RECK: variants seen among roughly 807,000 people sequenced by gnomAD.
RECK encodes reversion-inducing cysteine-rich protein with Kazal motifs.
In RECK, 69 loss-of-function variants were observed where a neutral mutation model predicts 115.1. The observed-to-expected ratio is 0.60, with a 90% CI of 0.49 to 0.73. RECK has a LOEUF of 0.73. Among genes scored for constraint, RECK ranks in the 30% least tolerant of loss-of-function variants. The pLI, the probability that RECK is intolerant of heterozygous loss-of-function variation, is 0.00. For synonymous variants in RECK, 414 were observed against 419.7 expected (o/e 0.99, Z 0.17); for missense variants, 1,047 against 1,203.7 (o/e 0.87, Z 1.93).
chr9:36,050,388 C>T (rs1341441240), intron 1 of RECK, among the ~76,000 whole-genome samples: 1 of 152,066 alleles, frequency 6.6e-6, no homozygotes, highest in Non-Finnish European at 1.5e-5. Flanking sequence ...ATTTCACTTC[C>T]AATCCATTAG....
Position 36,112,489 on chromosome 9 carries a change from G to A in RECK, c.2060+13G>A, listed in dbSNP as rs889296590. 1.9e-6 allele frequency: 3 copies of A among 1,612,900 alleles called. No individual in the cohort carries two copies. Among genetic ancestry groups the A allele is most frequent in the Non-Finnish European group, 2.5e-6 (3 of 1,179,374 alleles). On this transcript the variant is annotated intron_variant, in intron 16 of 20. Coordinates refer to ENST00000377966, the MANE Select transcript of RECK (RefSeq NM_021111.3). ...AAAAAAACCAAAGGTAAGTCAAATG[G>A]CTTCTTATTTTATTCAACTGAAGAC...
At chr9:36,088,899 T>C (rs1236468742) in intron 9 of RECK, among the ~76,000 whole-genome samples, 1 of 152,162 alleles carries the variant, frequency 6.6e-6, no homozygotes, top group African/African-American at 2.4e-5. Context: ...CACATGCCTG[T>C]AATTCCAGCT....
In RECK at chr9:36,122,876, A is replaced by G. The variant is rs1490950813; in HGVS notation, c.2747A>G (p.Asp916Gly). The G allele has an allele frequency of 1.5e-5, 24 of 1,614,186 alleles. No individual in the cohort carries two copies. Among genetic ancestry groups the G allele is most frequent in the Non-Finnish European group, 1.9e-5 (23 of 1,180,046 alleles). Reference sequence around the variant, plus strand: ...AAGATTGAGTCCCTTATCAACTCTGACAGCCCGACTTTGGCGTCCCATGTC... The same window carrying G: ...AAGATTGAGTCCCTTATCAACTCTGGCAGCCCGACTTTGGCGTCCCATGTC... Reference protein sequence around the residue: ...AEKIESLINSDSPTLASHVPL... With the variant: ...AEKIESLINSGSPTLASHVPL... Residue 916 changes from aspartate to glycine, a missense_variant, in exon 21 of 21, where the codon GAC (aspartate) becomes GGC (glycine). By Grantham distance (94) the Asp-to-Gly change is moderately conservative (BLOSUM62 -1). Coordinates refer to ENST00000377966, the MANE Select transcript of RECK (RefSeq NM_021111.3).
chr9:36,040,621 G>T (rs1202242337), intron 1 of RECK, among the ~76,000 whole-genome samples: 1 of 151,984 alleles, frequency 6.6e-6, no homozygotes. Flanking sequence ...GCTGCTGAAT[G>T]AAAAAAATTA....
chr9:36,039,511 A>T (rs1289730595), intron 1 of RECK, among the ~76,000 whole-genome samples: 1 of 152,140 alleles, frequency 6.6e-6, no homozygotes, highest in Non-Finnish European at 1.5e-5. Context: ...TATTACCTTG[A>T]TTATTCCTAT....
chr9:36,086,051 C>T (rs1822946222), intron 8 of RECK: 4 of 152,238 alleles, frequency 2.6e-5, no homozygotes, highest in Admixed American at 2.0e-4. Context: ...AAGAAGGCGC[C>T]AAACAGATAT....
intron 4 of RECK, among the ~76,000 whole-genome samples, chr9:36,060,842 A>C (rs1433823824): frequency 1.3e-5 from 2 of 152,164 alleles, no homozygotes; most frequent in African/African-American, 4.8e-5. Context: ...AGACATCTCT[A>C]CCTGGATCTC....
At chr9:36,092,436 A>G (rs1437072742) in intron 10 of RECK, among the ~76,000 whole-genome samples, 1 of 151,698 alleles carries the variant, frequency 6.6e-6, no homozygotes, top group Non-Finnish European at 1.5e-5. Context: ...TAGTGGCATG[A>G]TCTCGGCTCA....
intron 1 of RECK, among the ~76,000 whole-genome samples, chr9:36,043,038 T>TGTTGTTG (rs1554700749): frequency 1.2e-4 from 16 of 131,016 alleles, no homozygotes; most frequent in African/African-American, 3.9e-4. Flanking sequence ...TTTTTTTTTT[T>TGTTGTTG]TTGTTGAGAC....
At position 36,063,891 on chromosome 9, in the gene RECK, G is replaced by T. The variant is rs368913262; in HGVS notation, c.357+11G>T. ...CAGGCATGCAAGCAGGTAACACTGGGTAGTCAGGCTCTCAAACATCATGGA... is the reference window on the plus strand; with the variant it reads ...CAGGCATGCAAGCAGGTAACACTGGTTAGTCAGGCTCTCAAACATCATGGA... On this transcript the variant is annotated intron_variant, in intron 5 of 20. Transcript: ENST00000377966. The T allele has an allele frequency of 6.2e-7, 1 of 1,612,980 alleles. No homozygotes were observed.
At chr9:36,079,930 A>G (rs1822615535) in intron 6 of RECK, among the ~76,000 whole-genome samples, 1 of 152,166 alleles carries the variant, frequency 6.6e-6, no homozygotes, top group African/African-American at 2.4e-5. Flanking sequence ...AGAGACACTA[A>G]TTATAGTCTC....
intron 20 of RECK, among the ~76,000 whole-genome samples, chr9:36,122,193 T>C (rs1165981559): frequency 6.6e-6 from 1 of 152,154 alleles, no homozygotes; most frequent in African/African-American, 2.4e-5. Context: ...CCCACTCACG[T>C]AGACCCAAGT....
At chr9:36,091,736 T>C (rs374350797) in intron 10 of RECK, among the ~76,000 whole-genome samples, 1 of 127,176 alleles carries the variant, frequency 7.9e-6, no homozygotes, top group Non-Finnish European at 1.7e-5. Context: ...GTGAGTCCCC[T>C]GTTTCATACA....
At chr9:36,089,540 A>C (rs531287773) in intron 9 of RECK, among the ~76,000 whole-genome samples, 1 of 152,330 alleles carries the variant, frequency 6.6e-6, no homozygotes, top group Admixed American at 6.5e-5. Flanking sequence ...CCAAAATCAG[A>C]AACGTTTTGA....
Position 36,121,625 on chromosome 9 carries a change from C to G in RECK, c.2631C>G (p.Phe877Leu), listed in dbSNP as rs1030128998. The change falls in exon 20 of 21, where the codon TTC (phenylalanine) becomes TTG (leucine). Residue 877 changes from phenylalanine (F) to leucine (L), a missense_variant. Physicochemically the swap from Phe to Leu is conservative, Grantham distance 22. Transcript: ENST00000377966. ...SVPQCDVFGY[F>L]SIESEIVILI... ...CACAGTGTGATGTGTTTGGATACTT[C>G]AGCATTGAATCAGAAATTGTGATCC... The G allele has an allele frequency of 6.2e-7, 1 of 1,614,030 alleles. No homozygotes were observed. Among genetic ancestry groups the G allele is most frequent in the African/African-American group, 1.3e-5 (1 of 74,920 alleles).
chr9:36,058,861 A>T lies in RECK; in HGVS notation c.194A>T (p.His65Leu). ...FSSKSESRLK[H>L]LLQRAPDYCP... is the part of the protein sequence containing the mutation. ...TCAAAAAGTGAATCCCGACTAAAAC[A>T]TCTGTTGCAGCGAGCCCCAGATTAT... Residue 65 changes from histidine (H) to leucine (L), a missense_variant, in exon 3 of 21, where the codon CAT becomes CTT. By Grantham distance (99) the His-to-Leu change is moderately conservative (BLOSUM62 -3). Transcript: ENST00000377966. 6.3e-7 allele frequency: 1 copy of T among 1,596,180 alleles called. No homozygotes were observed. Among genetic ancestry groups the T allele is most frequent in the East Asian group, 2.3e-5 (1 of 43,812 alleles).
chr9:36,096,322 A>G (rs1330930898), intron 10 of RECK, among the ~76,000 whole-genome samples: 1 of 151,960 alleles, frequency 6.6e-6, no homozygotes, highest in African/African-American at 2.4e-5. Context: ...GGATTACCTG[A>G]CGTCAAGAGT....
chr9:36,073,231 GACACACACAGACACACACACACAC>G (rs1188273666), intron 6 of RECK, among the ~76,000 whole-genome samples: 2 of 94,908 alleles, frequency 2.1e-5, no homozygotes, highest in East Asian at 3.3e-4. Context: ...GACACACACA[GACACACACAGACACACACACACAC>G]ACACACACAC....
chr9:36,053,434 C>T (rs768080480), intron 2 of RECK, among the ~76,000 whole-genome samples: 1 of 152,028 alleles, frequency 6.6e-6, no homozygotes, highest in African/African-American at 2.4e-5. Context: ...ATAATGTAGA[C>T]GTAGAAAGAT....
Sources: gnomAD v4.1 joint callset for allele counts (sites outside exome capture counted in the v4.1 genomes callset) on GRCh38, gnomAD v4.1.1 for gene constraint, MANE v1.5 for transcripts, NCBI Gene and HGNC (gene_info 2026-07-23, HGNC 2026-07-21) for gene names.